ZNF14: variants seen among roughly 807,000 people sequenced by gnomAD.
ZNF14 encodes zinc finger protein 14, also known as gonadotropin inducible transcription repressor-4.
In ZNF14, 9 loss-of-function variants were observed where a neutral mutation model predicts 11.3. That is an observed-to-expected ratio of 0.80 (90% CI 0.48 to 1.39). The LOEUF (loss-of-function observed/expected upper bound fraction) is 1.39. Ranked by LOEUF, ZNF14 falls within the 40% of genes most tolerant of loss-of-function variation. ZNF14 has a pLI of 0.00. For missense variants in ZNF14, 711 were observed against 763.9 expected (o/e 0.93, Z 0.82); for synonymous variants, 239 against 245.7 (o/e 0.97, Z 0.25).
chr19:19,730,165 A>T (rs1040908116), intron 1 of ZNF14, among the ~76,000 whole-genome samples: 1 of 152,102 alleles, frequency 6.6e-6, no homozygotes, highest in Non-Finnish European at 1.5e-5. Context: ...CTGAGATTAC[A>T]GGTGTGTGCC....
Position 19,733,108 on chromosome 19 carries a change from G to T in ZNF14, c.-150C>A. The T allele has an allele frequency of 3.2e-6, 3 of 940,330 alleles. No homozygotes were observed. The highest frequency in any genetic ancestry group is 4.8e-6 in the Non-Finnish European group (3 of 624,788). The allele number at this position is 940,330 out of a possible 1,614,324, so 58.2% of individuals were successfully genotyped here. On this transcript the variant is annotated 5_prime_UTR_variant, in exon 1 of 4. Transcript: ENST00000344099. ...CCATGGGCCAGGAATGGCGACGTCC[G>T]CACTGCGCAGGCCCAGCGTGGCGCC...
Position 19,711,141 on chromosome 19 carries a change from A to C in ZNF14, c.*211T>G. ...CACTGCAGCACGAGTCCTGTCTTTG[A>C]AATGAATTAGGTCAACTGAAGGCTT... On this transcript the variant is annotated 3_prime_UTR_variant, in exon 4 of 4. Coordinates refer to ENST00000344099, the MANE Select transcript of ZNF14 (RefSeq NM_021030.3). The C allele has an allele frequency of 2.0e-6, 1 of 496,378 alleles. No homozygotes were observed. The highest frequency in any genetic ancestry group is 3.3e-6 in the Non-Finnish European group (1 of 298,750). 30.7% of individuals were successfully genotyped at this position (496,378 alleles called of 1,614,324 possible).
rs3031866 is a variant in ZNF14 at position 19,714,713 on chromosome 19, C to CTTTTTTTTTTTTTTTTTT, written c.4-227_4-226insAAAAAAAAAAAAAAAAAA. ...TTTTTTCTTTTTCCTTTTTCTTTTT[C>CTTTTTTTTTTTTTTTTTT]TTTTTTTTTTTTTTTTGAGACAGAG... On this transcript the variant is annotated intron_variant, in intron 1 of 3. Coordinates refer to ENST00000344099, the MANE Select transcript of ZNF14 (RefSeq NM_021030.3). Among the ~76,000 whole-genome samples, 39 of 122,818 alleles carry CTTTTTTTTTTTTTTTTTT rather than the reference C, an allele frequency of 3.2e-4. 1 individual carries two copies. The highest frequency in any genetic ancestry group is 4.7e-3 in the Middle Eastern group (1 of 212). 80.6% of individuals were successfully genotyped at this position (122,818 alleles called of 152,430 possible). A position where few individuals can be genotyped will look rare whatever the true frequency, so the allele number is the denominator to read the frequency against.
intron 1 of ZNF14, among the ~76,000 whole-genome samples, chr19:19,723,005 T>C (rs1168454538): frequency 6.6e-6 from 1 of 152,082 alleles, no homozygotes; most frequent in Non-Finnish European, 1.5e-5. Flanking sequence ...ATGGGTTTTC[T>C]AAACATAAAA....
intron 1 of ZNF14, among the ~76,000 whole-genome samples, chr19:19,721,857 G>A (rs1199418815): frequency 6.6e-6 from 1 of 151,942 alleles, no homozygotes; most frequent in African/African-American, 2.4e-5. Context: ...CACCTACTAG[G>A]GAGGTAGAGG....
intron 1 of ZNF14, among the ~76,000 whole-genome samples, chr19:19,716,392 G>T (rs144371346): frequency 6.6e-6 from 1 of 152,104 alleles, no homozygotes; most frequent in African/African-American, 2.4e-5. Flanking sequence ...AGGTTCAAGC[G>T]ATTCTTGTGC....
rs144006046 is a variant in ZNF14, at chr19:19,711,771, C to T, written c.1510G>A (p.Glu504Lys). The change falls in exon 4 of 4, where the codon GAA becomes AAA. Residue 504 changes from glutamate to lysine, a missense_variant. By Grantham distance (56) the Glu-to-Lys change is moderately conservative (BLOSUM62 1). Coordinates refer to ENST00000344099, the MANE Select transcript of ZNF14 (RefSeq NM_021030.3). ...ERTHTGEKPY[E>K]CKLCGKTFSF... ...AAGGTTTTACCGCATAGTTTACATTCATAGGGTTTCTCTCCAGTGTGTGTT... is the reference window on the plus strand; with the variant it reads ...AAGGTTTTACCGCATAGTTTACATTTATAGGGTTTCTCTCCAGTGTGTGTT... The T allele has an allele frequency of 9.9e-6, 16 of 1,613,360 alleles. No homozygotes were observed. The highest frequency in any genetic ancestry group is 1.3e-5 in the African/African-American group (1 of 74,924).
In ZNF14 at chr19:19,720,111, G is replaced by A. The variant is rs1371352801; in HGVS notation, c.4-5624C>T. 6.6e-6 allele frequency among the ~76,000 whole-genome samples: 1 copy of A among 152,166 alleles called. No individual in the cohort carries two copies. Among genetic ancestry groups the A allele is most frequent in the Non-Finnish European group, 1.5e-5 (1 of 68,026 alleles). Reference sequence around the variant, plus strand: ...AACTGATGGAACGGCAGGGAGAACTGCATGGAGCCATGAAGTATAGCTGGA... The same window carrying A: ...AACTGATGGAACGGCAGGGAGAACTACATGGAGCCATGAAGTATAGCTGGA... On this transcript the variant is annotated intron_variant, in intron 1 of 3. Transcript: ENST00000344099. This position sits in a 1 kb window ranked among gnomAD's most constrained non-coding sequence, Gnocchi z 4.1.
At position 19,711,927 on chromosome 19, in the gene ZNF14, ACT is replaced by A. The variant is rs1367617679; in HGVS notation, c.1352_1353del (p.Gln451LeufsTer15). On this transcript the variant is annotated frameshift_variant, in exon 4 of 4. Transcript: ENST00000344099. LOFTEE classifies it low-confidence loss of function (END_TRUNC). ...CTTGAACACCTGAAGGCTTTCCCAC[ACT>A]GTTTACATTCATAGGGTTTCTCTGC... Reference protein sequence around the residue: ...HNAEKPYECKQCGKAFRCSSY... With the variant: ...HNAEKPYECKXCGKAFRCSSY... 37 of 1,613,894 alleles carry A rather than the reference ACT, an allele frequency of 2.3e-5. No homozygotes were observed. The highest frequency in any genetic ancestry group is 3.1e-5 in the Non-Finnish European group (36 of 1,179,952).
intron 1 of ZNF14, among the ~76,000 whole-genome samples, chr19:19,718,587 C>T (rs1298044540): frequency 2.6e-5 from 4 of 152,054 alleles, no homozygotes; most frequent in Admixed American, 6.6e-5. Flanking sequence ...CTGATAATTT[C>T]CCAAAATTAA....
intron 1 of ZNF14, among the ~76,000 whole-genome samples, 181 bp from the exon 2 acceptor site, chr19:19,714,668 C>A (rs2062372547): frequency 6.6e-6 from 1 of 151,838 alleles, no homozygotes; most frequent in African/African-American, 2.4e-5. Flanking sequence ...CTGTCATGAA[C>A]ACACAGAAAT....
intron 1 of ZNF14, among the ~76,000 whole-genome samples, chr19:19,727,009 G>T (rs1265957600): frequency 7.5e-6 from 1 of 134,012 alleles, no homozygotes; most frequent in East Asian, 2.1e-4. Context: ...CTAGGAAAGG[G>T]AATTCCCCGA....
intron 1 of ZNF14, among the ~76,000 whole-genome samples, chr19:19,718,523 T>C (rs1332503900): frequency 6.6e-6 from 1 of 152,004 alleles, no homozygotes; most frequent in East Asian, 1.9e-4. Context: ...ATACACATAA[T>C]AGTACTAACT....
chr19:19,723,945 T>G (rs2062400127), intron 1 of ZNF14, among the ~76,000 whole-genome samples: 1 of 134,148 alleles, frequency 7.5e-6, no homozygotes, highest in South Asian at 2.4e-4. Context: ...TATCATTTTT[T>G]ATTGCATCTA....
chr19:19,723,865 GC>G (rs2062399898), intron 1 of ZNF14, among the ~76,000 whole-genome samples: 1 of 133,934 alleles, frequency 7.5e-6, no homozygotes, highest in South Asian at 2.4e-4. Context: ...TAGTTTATTT[GC>G]GTAGAGGTGT....
At chr19:19,723,708 G>C (rs1199613855) in intron 1 of ZNF14, among the ~76,000 whole-genome samples, 1 of 132,542 alleles carries the variant, frequency 7.5e-6, no homozygotes, top group Admixed American at 7.4e-5. Context: ...GAATCCATCT[G>C]GTCCTGGGCT....
Position 19,733,090 on chromosome 19 carries a change from C to T in ZNF14, c.-132G>A. 1 of 1,181,740 alleles carries T rather than the reference C, an allele frequency of 8.5e-7. No homozygotes were observed. Among genetic ancestry groups the T allele is most frequent in the African/African-American group, 1.5e-5 (1 of 65,388 alleles). 73.2% of individuals were successfully genotyped at this position (1,181,740 alleles called of 1,614,324 possible). A position where few individuals can be genotyped will look rare whatever the true frequency, so the allele number is the denominator to read the frequency against. ...AGGTGAAACGCAATCTTCCCATGGG[C>T]CAGGAATGGCGACGTCCGCACTGCG... is the stretch of plus-strand genomic sequence containing the variant. On this transcript the variant is annotated 5_prime_UTR_variant, in exon 1 of 4. Coordinates refer to ENST00000344099, the MANE Select transcript of ZNF14 (RefSeq NM_021030.3).
In ZNF14 at chr19:19,712,167, A is replaced by C. The variant is rs1453015205; in HGVS notation, c.1114T>G (p.Phe372Val). The C allele has an allele frequency of 6.2e-7, 1 of 1,614,094 alleles. No individual in the cohort carries two copies. The highest frequency in any genetic ancestry group is 1.1e-5 in the South Asian group (1 of 91,086). ...PYECKRCGKS[F>V]SWSISLRLHE... ...AATCGAAGAGAAATGGACCAACTGA[A>C]TGATTTGCCACATCGTTTACATTCA... is the stretch of plus-strand genomic sequence containing the variant. The change falls in exon 4 of 4, where the codon TTC becomes GTC. Residue 372 changes from phenylalanine (F) to valine (V), a missense_variant. Phe to Val is a conservative substitution (Grantham distance 50, BLOSUM62 -1). Coordinates refer to ENST00000344099, the MANE Select transcript of ZNF14 (RefSeq NM_021030.3).
Position 19,726,644 on chromosome 19 carries a change from T to C in ZNF14, c.3+6312A>G, listed in dbSNP as rs1275585687. The stretch of plus-strand genomic sequence containing the variant: ...ACAGGGACATTTAAGTCTGCAGAAG[T>C]TTCTGCTGCCTTTTGTTCAGCTATG... On this transcript the variant is annotated intron_variant, in intron 1 of 3. Coordinates refer to ENST00000344099, the MANE Select transcript of ZNF14 (RefSeq NM_021030.3). Among the ~76,000 whole-genome samples, 2 of 133,680 alleles carry C rather than the reference T, an allele frequency of 1.5e-5. 1 individual carries two copies. The highest frequency in any genetic ancestry group is 3.3e-5 in the Non-Finnish European group (2 of 60,040). 87.7% of individuals were successfully genotyped at this position (133,680 alleles called of 152,430 possible).
Sources: allele counts gnomAD v4.1 joint callset (sites outside exome capture counted in the v4.1 genomes callset), GRCh38; gene constraint gnomAD v4.1.1; non-coding constraint Gnocchi (gnomAD v3.1); transcripts MANE v1.5; gene names NCBI Gene and HGNC (gene_info 2026-07-23, HGNC 2026-07-21).